The following SMARCA2 variants were observed in gnomAD, a reference collection of about 807,000 sequenced individuals.
The protein encoded by SMARCA2 is SWI/SNF-related matrix-associated actin-dependent regulator of chromatin subfamily A member 2.
SMARCA2 carries 61 observed loss-of-function variants against 199.8 expected under a neutral mutation model. That is an observed-to-expected ratio of 0.31 (90% CI 0.25 to 0.38). SMARCA2 has a LOEUF of 0.38. Among genes scored for constraint, SMARCA2 ranks in the 10% least tolerant of loss-of-function variants. SMARCA2 has a pLI of 1.00. For missense variants in SMARCA2, 1,344 were observed against 2,012.2 expected (o/e 0.67, Z 6.35); for synonymous variants, 935 against 732.0 (o/e 1.28, Z -4.48).
At chr9:2,026,587 G>A in intron 1 of SMARCA2, among the ~76,000 whole-genome samples, 1 of 152,176 alleles carries the variant, frequency 6.6e-6, no homozygotes, top group East Asian at 1.9e-4. Flanking sequence ...ATTAAACGTA[G>A]GAATATCAGC....
At chr9:2,181,786 C>G in intron 30 of SMARCA2, 110 bp downstream of exon 30, 2 of 669,128 alleles carry the variant, frequency 3.0e-6, no homozygotes, top group Non-Finnish European at 2.7e-6. Context: ...ACCCAGGGCT[C>G]GCGACAGGAA....
At chr9:2,029,285 T>A in intron 2 of SMARCA2, 38 bp downstream of exon 2, 1 of 1,577,162 alleles carries the variant, frequency 6.3e-7, no homozygotes, top group Non-Finnish European at 8.6e-7. Context: ...CAACTTCTGA[T>A]AAGTGGATGG....
At chr9:2,051,010 CTTG>C (rs1458785904) in intron 5 of SMARCA2, among the ~76,000 whole-genome samples, 6 of 152,342 alleles carry the variant, frequency 3.9e-5, no homozygotes, top group East Asian at 1.9e-4. Flanking sequence ...AGTATTACAT[CTTG>C]TTGTTGTTTG....
chr9:2,126,148 T>C (rs930051839), intron 27 of SMARCA2, among the ~76,000 whole-genome samples: 2 of 152,246 alleles, frequency 1.3e-5, no homozygotes, highest in Non-Finnish European at 2.9e-5. Context: ...GTAAACTTCC[T>C]TTTATCTACA....
At chr9:2,155,375 C>T (rs976410410) in intron 27 of SMARCA2, among the ~76,000 whole-genome samples, 3 of 152,016 alleles carry the variant, frequency 2.0e-5, no homozygotes, top group South Asian at 4.1e-4. Context: ...CTCCGCCTCC[C>T]GGGTTCAAGC....
Position 2,186,189 on chromosome 9 carries a change from G to T in SMARCA2, c.4555G>T (p.Glu1519Ter). 6.2e-7 allele frequency: 1 copy of T among 1,614,100 alleles called. No individual in the cohort carries two copies. Among genetic ancestry groups the T allele is most frequent in the Non-Finnish European group, 8.5e-7 (1 of 1,179,942 alleles). Residue 1519 changes from glutamate (E) to a stop codon, truncating the protein, a stop_gained, in exon 32 of 34, where the codon GAG becomes TAG. Transcript: ENST00000349721. LOFTEE classifies it high-confidence loss of function. ...EEESEDESNE[E>*]EEEEDEEESE... ...AGAGAGTGAGGATGAAAGCAATGAA[G>T]AGGAGGAAGAGGAAGATGAAGAAGA...
At chr9:2,025,805 C>T (rs923715437) in intron 1 of SMARCA2, among the ~76,000 whole-genome samples, 1 of 152,152 alleles carries the variant, frequency 6.6e-6, no homozygotes, top group African/African-American at 2.4e-5. Context: ...AAAATTGCCA[C>T]CCGAAATGTA....
chr9:2,052,362 T>A (rs577146729), intron 5 of SMARCA2, among the ~76,000 whole-genome samples: 15 of 152,082 alleles, frequency 9.9e-5, no homozygotes, highest in Non-Finnish European at 1.9e-4. Flanking sequence ...TAGCCCCAGC[T>A]ACATGGGAGG....
intron 29 of SMARCA2, among the ~76,000 whole-genome samples, chr9:2,178,629 TA>T (rs34120561): frequency 9.0e-4 from 137 of 151,812 alleles, no homozygotes; most frequent in African/African-American, 3.2e-3. Context: ...AAAGGTGTAT[TA>T]AAAAAAAGCC....
At chr9:2,175,747 AATT>A (rs1385113372) in intron 29 of SMARCA2, among the ~76,000 whole-genome samples, 3 of 152,108 alleles carry the variant, frequency 2.0e-5, no homozygotes, top group South Asian at 4.1e-4. Context: ...AATAAGAGTA[AATT>A]ATTATTTTTC....
chr9:2,039,273 T>A lies in SMARCA2; in HGVS notation c.356-193T>A, dbSNP rs1023326726. On this transcript the variant is annotated intron_variant, in intron 3 of 33. Transcript: ENST00000349721. This position sits in a 1 kb window ranked among gnomAD's most constrained non-coding sequence, Gnocchi z 4.8. ...ACACTTTAAAGTGGCTACCAGAAAATTTTAAATTTTACATATATATAAAGC... is the reference window on the plus strand; with the variant it reads ...ACACTTTAAAGTGGCTACCAGAAAAATTTAAATTTTACATATATATAAAGC... Among the ~76,000 whole-genome samples, 12 of 151,952 alleles carry A rather than the reference T, an allele frequency of 7.9e-5. No homozygotes were observed. Among genetic ancestry groups the A allele is most frequent in the Admixed American group, 7.2e-4 (11 of 15,252 alleles).
chr9:2,182,152 T>C lies in SMARCA2; in HGVS notation c.4371T>C (p.Arg1457=). 1.2e-6 allele frequency: 2 copies of C among 1,606,834 alleles called. No individual in the cohort carries two copies. The highest frequency in any genetic ancestry group is 1.7e-6 in the Non-Finnish European group (2 of 1,173,728). ...AAAATTTCCATCAGGAAAGGATTCG[T>C]AATCATAAGTACCGGAGCCTAGGCG... ...VDFKKIKERI[R]NHKYRSLGDL... is the part of the protein sequence containing the mutation. Residue 1457 remains arginine (R), a synonymous_variant, in exon 31 of 34, where the codon CGT becomes CGC. Transcript: ENST00000349721.
intron 27 of SMARCA2, among the ~76,000 whole-genome samples, chr9:2,125,295 C>T (rs1209559738): frequency 1.3e-5 from 2 of 152,134 alleles, no homozygotes; most frequent in African/African-American, 4.8e-5. Flanking sequence ...ATTCCAGTGA[C>T]CTCAGAATAT....
chr9:2,182,188 G>A lies in SMARCA2; in HGVS notation c.4407G>A (p.Lys1469=). The A allele has an allele frequency of 3.1e-6, 5 of 1,613,892 alleles. No individual in the cohort carries two copies. The highest frequency in any genetic ancestry group is 3.4e-6 in the Non-Finnish European group (4 of 1,179,774). Residue 1469 remains lysine, a synonymous_variant, in exon 31 of 34, where the codon AAG becomes AAA. Coordinates refer to ENST00000349721, the MANE Select transcript of SMARCA2 (RefSeq NM_003070.5). ...ACCGGAGCCTAGGCGACCTGGAGAA[G>A]GATGTCATGCTTCTCTGTCACAACG... The part of the protein sequence containing the change: ...HKYRSLGDLE[K]DVMLLCHNAQ...
chr9:2,149,195 C>A (rs556252423), intron 27 of SMARCA2, among the ~76,000 whole-genome samples: 1 of 150,920 alleles, frequency 6.6e-6, no homozygotes, highest in Admixed American at 6.6e-5. Flanking sequence ...TACATGGTGG[C>A]GGCAAGAGAA....
At position 2,170,453 on chromosome 9, in the gene SMARCA2, T is replaced by C; in HGVS notation, c.4234T>C (p.Leu1412=). 6.2e-7 allele frequency: 1 copy of C among 1,614,130 alleles called. No individual in the cohort carries two copies. Among genetic ancestry groups the C allele is most frequent in the Non-Finnish European group, 8.5e-7 (1 of 1,179,994 alleles). Residue 1412 remains leucine, a synonymous_variant, in exon 29 of 34, where the codon TTG becomes CTG. Transcript: ENST00000349721. This position sits in a 1 kb window ranked among gnomAD's most constrained non-coding sequence, Gnocchi z 4.7. ...NVEKVPSNSQ[L]EIEGNSSGRQ... ...GGAGAAGGTGCCCAGTAATTCTCAGTTGGAAATAGAAGGAAACAGGTCAGG... is the reference window on the plus strand; with the variant it reads ...GGAGAAGGTGCCCAGTAATTCTCAGCTGGAAATAGAAGGAAACAGGTCAGG...
At chr9:2,191,117 C>G (rs572342165) in intron 32 of SMARCA2, 149 bp from the exon 33 acceptor site, 23 of 739,216 alleles carry the variant, frequency 3.1e-5, no homozygotes, top group Admixed American at 2.7e-4. Flanking sequence ...GCTGACTAGA[C>G]AGAACCACAC....
At position 2,115,341 on chromosome 9, in the gene SMARCA2, A is replaced by ATG. The variant is rs1016798707; in HGVS notation, c.3457-470_3457-469dup. 6.6e-6 allele frequency among the ~76,000 whole-genome samples: 1 copy of ATG among 151,982 alleles called. No homozygotes were observed. The highest frequency in any genetic ancestry group is 6.6e-5 in the Admixed American group (1 of 15,264). ...CTACCTGAGCAGTCAGTGTGTGTGT[A>ATG]TGTGTGTGTGTGGTAAGATGTATGT... On this transcript the variant is annotated intron_variant, in intron 24 of 33. Transcript: ENST00000349721. This position sits in a 1 kb window ranked among gnomAD's most constrained non-coding sequence, Gnocchi z 6.0.
At position 2,162,543 on chromosome 9, in the gene SMARCA2, T is replaced by G. The variant is rs190735569; in HGVS notation, c.4199+640T>G. On this transcript the variant is annotated intron_variant, in intron 28 of 33. Transcript: ENST00000349721. ...ATAATTATTTGAAAACCAAAGACAC[T>G]GTAGGGTGTCAGTCAGATCCATACA... Among the ~76,000 whole-genome samples, 140 of 152,302 alleles carry G rather than the reference T, an allele frequency of 9.2e-4. 1 individual carries two copies. The highest frequency in any genetic ancestry group is 3.2e-3 in the African/African-American group (135 of 41,572).
Sources: gnomAD v4.1 joint callset for allele counts (sites outside exome capture counted in the v4.1 genomes callset) on GRCh38, gnomAD v4.1.1 for gene constraint, Gnocchi (gnomAD v3.1) non-coding constraint, MANE v1.5 for transcripts, NCBI Gene and HGNC (gene_info 2026-07-23, HGNC 2026-07-21) for gene names.